The following SBNO1 variants were observed in gnomAD, a reference collection of about 807,000 sequenced individuals.
SBNO1 encodes the protein strawberry notch homolog 1, also known as protein strawberry notch homolog 1.
A neutral mutation model predicts 173.6 loss-of-function variants in SBNO1; 23 were observed. The ratio of observed to expected loss-of-function variants is 0.13; its 90% CI spans 0.10 to 0.19. The LOEUF is 0.19. SBNO1 is among the 10% of genes least tolerant of loss of function. The pLI is 1.00. For missense variants in SBNO1, 1,238 were observed against 1,671.2 expected (o/e 0.74, Z 4.52); for synonymous variants, 632 against 571.5 (o/e 1.11, Z -1.51).
chr12:123,338,184 T>C (rs1872082606), intron 5 of SBNO1, among the ~76,000 whole-genome samples: 1 of 152,186 alleles, frequency 6.6e-6, no homozygotes, highest in Admixed American at 6.5e-5. Context: ...TTTTTCAAAA[T>C]AACCGGGAAA....
At chr12:123,363,736 G>C (rs1011326361) in intron 1 of SBNO1, 2 of 487,618 alleles carry the variant, frequency 4.1e-6, no homozygotes, top group African/African-American at 4.2e-5. Flanking sequence ...CAAAACAAAA[G>C]CCTCCCACAG....
chr12:123,311,061 CGAGAGT>C lies in SBNO1; in HGVS notation c.3283_3288del (p.Thr1095_Leu1096del), dbSNP rs1246894312. On this transcript the variant is annotated inframe_deletion, in exon 25 of 32. Transcript: ENST00000602398. Reference sequence around the variant, plus strand: ...ACAAAGCTAATAGTAGTACCTTTATCGAGAGTAAGAATTCCCGAGCGATCTTCTACA... The same window carrying C: ...ACAAAGCTAATAGTAGTACCTTTATCAAGAATTCCCGAGCGATCTTCTACA... 8.7e-6 allele frequency: 14 copies of C among 1,609,232 alleles called. No homozygotes were observed. The highest frequency in any genetic ancestry group is 1.2e-5 in the Non-Finnish European group (14 of 1,175,884).
At chr12:123,304,499 G>C in intron 29 of SBNO1, 83 bp downstream of exon 29, 2 of 1,074,590 alleles carry the variant, frequency 1.9e-6, no homozygotes, top group Non-Finnish European at 2.8e-6. Flanking sequence ...GCCTCCCAAA[G>C]TGCTGAGATT....
At chr12:123,332,452 C>T (rs960793228) in intron 7 of SBNO1, among the ~76,000 whole-genome samples, 3 of 151,980 alleles carry the variant, frequency 2.0e-5, no homozygotes, top group African/African-American at 7.2e-5. Flanking sequence ...CCACCACGCA[C>T]AGCTAGTTTT....
At chr12:123,317,183 G>A in intron 21 of SBNO1, 38 bp downstream of exon 21, 1 of 1,608,454 alleles carries the variant, frequency 6.2e-7, no homozygotes, top group Non-Finnish European at 8.5e-7. Context: ...ATGATTCCTA[G>A]CTATCCATTA....
At chr12:123,329,302 G>A (rs1870918701) in intron 9 of SBNO1, among the ~76,000 whole-genome samples, 3 of 152,048 alleles carry the variant, frequency 2.0e-5, no homozygotes, top group Admixed American at 6.6e-5. Flanking sequence ...AACTGCTTGA[G>A]CCTGGGAGAT....
chr12:123,331,922 G>A (rs533916633), intron 7 of SBNO1, among the ~76,000 whole-genome samples: 14 of 151,992 alleles, frequency 9.2e-5, no homozygotes, highest in Non-Finnish European at 2.1e-4. Context: ...GCACAATCTC[G>A]GCTCACTGCA....
intron 2 of SBNO1, among the ~76,000 whole-genome samples, chr12:123,349,639 G>A (rs955220342): frequency 4.6e-5 from 7 of 152,034 alleles, no homozygotes; most frequent in South Asian, 2.1e-4. Flanking sequence ...ACATTTGGCC[G>A]GGCACAGTGG....
In SBNO1 at chr12:123,293,341, G is replaced by T. The variant is rs557306104; in HGVS notation, c.*2567C>A. 5 of 152,176 alleles carry T rather than the reference G, an allele frequency of 3.3e-5. No homozygotes were observed. The South Asian group carries it at 6.2e-4, about 19-fold the overall frequency. The allele number at this position is 152,176 out of a possible 1,614,324, so 9.4% of individuals were successfully genotyped here. On this transcript the variant is annotated 3_prime_UTR_variant, in exon 32 of 32. Coordinates refer to ENST00000602398, the MANE Select transcript of SBNO1 (RefSeq NM_001167856.3). ...GGCCTCCCGAAGTGCTGGGATTATA[G>T]GAGTGAGCCACCACGCCCGGCTACG... is the stretch of plus-strand genomic sequence containing the variant.
chr12:123,309,649 G>GA (rs1337828503), intron 26 of SBNO1, 61 bp downstream of exon 26: 3 of 1,600,838 alleles, frequency 1.9e-6, no homozygotes, highest in Non-Finnish European at 2.6e-6. Context: ...CACGTTTAAA[G>GA]AATTTCTCCA....
chr12:123,310,062 T>C (rs1263753606), intron 25 of SBNO1, among the ~76,000 whole-genome samples: 2 of 152,182 alleles, frequency 1.3e-5, no homozygotes, highest in African/African-American at 4.8e-5. Context: ...GTTTGTCAAA[T>C]TGAATTTTTG....
intron 30 of SBNO1, 74 bp from the exon 31 acceptor site, chr12:123,298,245 G>A (rs2048669453): frequency 1.4e-6 from 2 of 1,397,804 alleles, no homozygotes; most frequent in East Asian, 4.9e-5. Context: ...AGATTTACAA[G>A]GTCAACTCAA....
chr12:123,342,515 T>C (rs1304741803), intron 4 of SBNO1, among the ~76,000 whole-genome samples: 3 of 152,174 alleles, frequency 2.0e-5, no homozygotes, highest in African/African-American at 7.2e-5. Context: ...TTTCATGTGA[T>C]CTGGTGGTAC....
chr12:123,302,529 C>A (rs2048823417), intron 30 of SBNO1, among the ~76,000 whole-genome samples: 2 of 152,152 alleles, frequency 1.3e-5, no homozygotes, highest in Non-Finnish European at 2.9e-5. Flanking sequence ...CAGGCGTGAG[C>A]CACCACACCC....
intron 1 of SBNO1, chr12:123,363,879 CA>C (rs1875719426): frequency 1.0e-6 from 1 of 985,504 alleles, no homozygotes; most frequent in African/African-American, 1.7e-5. Context: ...AGGAAAGAAA[CA>C]ATCAGAAGGG....
Position 123,296,040 on chromosome 12 carries a change from A to G in SBNO1, c.4050T>C (p.Ile1350=), listed in dbSNP as rs750909298. 8.7e-6 allele frequency: 14 copies of G among 1,612,136 alleles called. No individual in the cohort carries two copies. The highest frequency in any genetic ancestry group is 1.2e-5 in the Non-Finnish European group (14 of 1,178,262). ...CAAGAGGAGACACACAATTTGCCGGAATGATCAAACCTGTAATTAGTAACA... is the reference window on the plus strand; with the variant it reads ...CAAGAGGAGACACACAATTTGCCGGGATGATCAAACCTGTAATTAGTAACA... The part of the protein sequence containing the change: ...EDGQRIVGLI[I]PANCVSPLVN... The change falls in exon 32 of 32, where the codon ATT becomes ATC. Residue 1350 remains isoleucine (I), a synonymous_variant. Transcript: ENST00000602398.
At chr12:123,316,510 C>T (rs993138589) in intron 21 of SBNO1, among the ~76,000 whole-genome samples, 3 of 152,120 alleles carry the variant, frequency 2.0e-5, no homozygotes, top group South Asian at 2.1e-4. Flanking sequence ...AGGCGTGAGC[C>T]GCTGCGCCCA....
intron 21 of SBNO1, among the ~76,000 whole-genome samples, chr12:123,316,230 A>AT (rs1238474364): frequency 1.3e-5 from 2 of 152,178 alleles, no homozygotes; most frequent in African/African-American, 2.4e-5. Context: ...ATTAAACAGG[A>AT]TTTTTTTGTT....
chr12:123,331,278 T>C lies in SBNO1; in HGVS notation c.1007A>G (p.Tyr336Cys), dbSNP rs1871182565. ...GKGRTIAGII[Y>C]ENYLLSRKRA... ...TTTTCTACTCAACAAATAATTTTCA[T>C]AGATGATTCCTGCTATCGTCCTTCC... Residue 336 changes from tyrosine (Y) to cysteine (C), a missense_variant, in exon 8 of 32, where the codon TAT becomes TGT. This residue lies in a region of SBNO1 where 56 missense variants were observed against 65.1 expected (regional missense o/e 0.86). Transcript: ENST00000602398. 4.3e-6 allele frequency: 7 copies of C among 1,614,118 alleles called. No homozygotes were observed. Among genetic ancestry groups the C allele is most frequent in the Non-Finnish European group, 5.9e-6 (7 of 1,179,986 alleles).
Sources: gnomAD v4.1 joint callset for allele counts (sites outside exome capture counted in the v4.1 genomes callset) on GRCh38, gnomAD v4.1.1 for gene constraint, gnomAD v4.1.1 regional missense constraint, MANE v1.5 for transcripts, NCBI Gene and HGNC (gene_info 2026-07-23, HGNC 2026-07-21) for gene names.